The following RAD51B variants were observed in gnomAD, a reference collection of about 807,000 sequenced individuals.
RAD51B encodes the protein DNA repair protein RAD51 homolog 2.
RAD51B carries 38 observed loss-of-function variants against 42.2 expected under a neutral mutation model. The observed-to-expected ratio is 0.90, with a 90% CI of 0.70 to 1.18. The LOEUF is 1.18. Among genes scored for constraint, RAD51B ranks in the 50% most tolerant of loss-of-function variants. The pLI, the probability that RAD51B is intolerant of heterozygous loss-of-function variation, is 0.00. For missense variants in RAD51B, 373 were observed against 400.7 expected (o/e 0.93, Z 0.59); for synonymous variants, 154 against 145.2 (o/e 1.06, Z -0.43).
At chr14:68,463,616 CAT>C (rs2085902012) in intron 9 of RAD51B, among the ~76,000 whole-genome samples, 1 of 151,986 alleles carries the variant, frequency 6.6e-6, no homozygotes. Flanking sequence ...TTAGAAAACT[CAT>C]AGTAAAAGCA....
chr14:67,964,108 T>C (rs1218646467), intron 7 of RAD51B, among the ~76,000 whole-genome samples: 2 of 152,072 alleles, frequency 1.3e-5, no homozygotes, highest in African/African-American at 4.8e-5. Context: ...TATACAATGA[T>C]GGGCAAACAA....
chr14:67,846,210 A>T (rs8010136), intron 4 of RAD51B, among the ~76,000 whole-genome samples: 6,067 of 152,168 alleles, frequency 0.04, 321 homozygotes, highest in African/African-American at 0.12. Context: ...GTGCATATTC[A>T]TACTGGTGGT....
chr14:68,221,372 C>T (rs1331137903), intron 7 of RAD51B, among the ~76,000 whole-genome samples: 1 of 151,686 alleles, frequency 6.6e-6, no homozygotes, highest in Non-Finnish European at 1.5e-5. Flanking sequence ...AATAGAGAAC[C>T]CAGAAATAAA....
chr14:68,566,867 A>G (rs1168650153), intron 10 of RAD51B, among the ~76,000 whole-genome samples: 1 of 151,114 alleles, frequency 6.6e-6, no homozygotes, highest in Non-Finnish European at 1.5e-5. Flanking sequence ...CTTTCTTATT[A>G]CTCTTCAATG....
chr14:68,536,817 C>A (rs1352788465), intron 10 of RAD51B, among the ~76,000 whole-genome samples: 1 of 152,074 alleles, frequency 6.6e-6, no homozygotes, highest in Non-Finnish European at 1.5e-5. Flanking sequence ...CGCAGTGGCT[C>A]ATGCCTGTAA....
At chr14:68,074,674 C>T (rs1487956505) in intron 7 of RAD51B, among the ~76,000 whole-genome samples, 1 of 152,090 alleles carries the variant, frequency 6.6e-6, no homozygotes, top group Non-Finnish European at 1.5e-5. Flanking sequence ...CCTTTAACTG[C>T]GATGTAATTT....
chr14:68,200,320 C>T (rs918777146), intron 7 of RAD51B, among the ~76,000 whole-genome samples: 10 of 152,198 alleles, frequency 6.6e-5, no homozygotes, highest in Admixed American at 6.5e-4. Flanking sequence ...ATATTAACCA[C>T]TTCCTTCTTA....
rs570957602 is a variant in RAD51B, at chr14:68,471,169, TAG to T, written c.1036+2923_1036+2924del. On this transcript the variant is annotated intron_variant, in intron 10 of 10. Transcript: ENST00000471583. ...GATGTGCAGCCCATGTCCAGGGACTTAGAGACAGACAGGGCAGCTCCTGTGCT... is the reference window on the plus strand; with the variant it reads ...GATGTGCAGCCCATGTCCAGGGACTTAGACAGACAGGGCAGCTCCTGTGCT... Among the ~76,000 whole-genome samples the T allele has an allele frequency of 5.3e-5, 8 of 152,212 alleles. No homozygotes were observed. The South Asian group carries it at 1.7e-3, about 32-fold the overall frequency.
intron 5 of RAD51B, among the ~76,000 whole-genome samples, chr14:67,884,564 A>G (rs923489964): frequency 2.6e-5 from 4 of 151,850 alleles, no homozygotes; most frequent in Admixed American, 1.3e-4. Flanking sequence ...TTTCCCCCAA[A>G]CCCTCAGGAT....
At chr14:68,663,682 A>G (rs1892979608) in intron 11 of RAD51B, among the ~76,000 whole-genome samples, 1 of 152,220 alleles carries the variant, frequency 6.6e-6, no homozygotes. Context: ...TTGCCTAAAG[A>G]CTTAGGCCTA....
At chr14:67,881,188 G>A (rs2042895658) in intron 5 of RAD51B, among the ~76,000 whole-genome samples, 1 of 152,210 alleles carries the variant, frequency 6.6e-6, no homozygotes, top group Non-Finnish European at 1.5e-5. Flanking sequence ...TATAAGTGAT[G>A]CATCATTGAC....
At chr14:68,678,447 C>T (rs1267477599) in intron 11 of RAD51B, among the ~76,000 whole-genome samples, 1 of 152,252 alleles carries the variant, frequency 6.6e-6, no homozygotes, top group East Asian at 1.9e-4. Flanking sequence ...GTGTCTCTAG[C>T]ACTGTTCTAG....
chr14:68,349,844 C>A (rs759354498), intron 8 of RAD51B, among the ~76,000 whole-genome samples: 4 of 152,170 alleles, frequency 2.6e-5, no homozygotes, highest in Non-Finnish European at 4.4e-5. Flanking sequence ...GCATCTATAT[C>A]CCAGTCATAC....
chr14:68,202,345 A>T (rs1424892109), intron 7 of RAD51B, among the ~76,000 whole-genome samples: 1 of 152,148 alleles, frequency 6.6e-6, no homozygotes, highest in Non-Finnish European at 1.5e-5. Context: ...TCTTCCTTTC[A>T]TGAAATATTG....
In RAD51B at chr14:68,331,869, G is replaced by T. The variant is rs189060031; in HGVS notation, c.853+39889G>T. Among the ~76,000 whole-genome samples the T allele has an allele frequency of 2.0e-5, 3 of 152,298 alleles. No homozygotes were observed. In the East Asian group the frequency reaches 5.8e-4, roughly 29 times the overall value. On this transcript the variant is annotated intron_variant, in intron 8 of 10. Transcript: ENST00000471583. The stretch of plus-strand genomic sequence containing the variant: ...GGGAAGGGAGAAGAATATCAATTCT[G>T]CAAACTGGTTATTGAAAGTATTGGG...
intron 7 of RAD51B, among the ~76,000 whole-genome samples, chr14:68,084,678 A>T (rs1334016481): frequency 6.6e-6 from 1 of 152,208 alleles, no homozygotes; most frequent in Non-Finnish European, 1.5e-5. Context: ...ACCACTGCTC[A>T]ATTTGGGGGA....
chr14:68,586,873 C>T (rs1279311850), intron 10 of RAD51B, among the ~76,000 whole-genome samples: 3 of 152,188 alleles, frequency 2.0e-5, no homozygotes, highest in East Asian at 1.9e-4. Context: ...GGTGTGGTGG[C>T]GTGTGCCTGT....
At chr14:68,440,824 A>C (rs1393169227) in intron 9 of RAD51B, among the ~76,000 whole-genome samples, 1 of 152,170 alleles carries the variant, frequency 6.6e-6, no homozygotes, top group Non-Finnish European at 1.5e-5. Context: ...GAAATTGCTA[A>C]ATTATTGCAT....
chr14:68,266,982 T>C (rs1456642102), intron 7 of RAD51B, among the ~76,000 whole-genome samples: 2 of 152,208 alleles, frequency 1.3e-5, no homozygotes, highest in East Asian at 3.8e-4. Flanking sequence ...GCTCATCTTC[T>C]AGGAAAACAG....
Sources: gnomAD v4.1 joint callset for allele counts (sites outside exome capture counted in the v4.1 genomes callset) on GRCh38, gnomAD v4.1.1 for gene constraint, MANE v1.5 for transcripts, NCBI Gene and HGNC (gene_info 2026-07-23, HGNC 2026-07-21) for gene names.